Variants in USP47 observed in about 807,000 individuals in gnomAD.
USP47 encodes ubiquitin specific peptidase 47.
A neutral mutation model predicts 165.1 loss-of-function variants in USP47; 35 were observed. That is an observed-to-expected ratio of 0.21 (90% CI 0.16 to 0.28). The LOEUF (loss-of-function observed/expected upper bound fraction) is 0.28. Ranked by LOEUF, USP47 falls within the 10% of genes least tolerant of loss-of-function variation. The pLI is 1.00. For missense variants in USP47, 1,277 were observed against 1,607.4 expected (o/e 0.79, Z 3.52); for synonymous variants, 531 against 544.5 (o/e 0.98, Z 0.35).
intron 1 of USP47, among the ~76,000 whole-genome samples, chr11:11,860,557 C>T (rs1273186205): frequency 2.0e-5 from 3 of 152,134 alleles, no homozygotes; most frequent in Non-Finnish European, 2.9e-5. Context: ...ACTGTCCATG[C>T]TTTTAAATAA....
chr11:11,910,695 G>A (rs1852909911), intron 8 of USP47, among the ~76,000 whole-genome samples: 1 of 152,100 alleles, frequency 6.6e-6, no homozygotes, highest in African/African-American at 2.4e-5. Flanking sequence ...CCTCCATTCA[G>A]ATGTCCACAT....
At chr11:11,902,594 C>T in intron 5 of USP47, 121 bp from the exon 6 acceptor site, 1 of 633,032 alleles carries the variant, frequency 1.6e-6, no homozygotes. Context: ...TTTCAATTAG[C>T]ATTCAAACTC....
chr11:11,868,336 C>T (rs956512370), intron 1 of USP47, among the ~76,000 whole-genome samples: 3 of 152,172 alleles, frequency 2.0e-5, no homozygotes, highest in Non-Finnish European at 4.4e-5. Context: ...CTAATCTCTT[C>T]TCCATTTCTA....
intron 8 of USP47, among the ~76,000 whole-genome samples, chr11:11,912,587 C>G (rs1853077105): frequency 6.6e-6 from 1 of 151,976 alleles, no homozygotes; most frequent in African/African-American, 2.4e-5. Flanking sequence ...TCACTGGATA[C>G]TTGTATCAAA....
In USP47 at chr11:11,930,755, T is replaced by A. The variant is rs775423170; in HGVS notation, c.1651+4T>A. ...AAGGATCCAGCCAGAAATGCAAGTA[T>A]GTTTACCTACAGTTATTTGATTTTA... On this transcript the variant is annotated splice_donor_region_variant and intron_variant, in intron 14 of 27. Transcript: ENST00000527733. 25 of 1,602,876 alleles carry A rather than the reference T, an allele frequency of 1.6e-5. No individual in the cohort carries two copies. The East Asian group carries it at 5.4e-4, about 35-fold the overall frequency.
chr11:11,894,475 A>G (rs1034820513), intron 4 of USP47, among the ~76,000 whole-genome samples: 9 of 152,120 alleles, frequency 5.9e-5, no homozygotes, highest in Non-Finnish European at 1.3e-4. Context: ...AGAAAAATGT[A>G]GGTTCCAAGG....
intron 3 of USP47, 33 bp from the exon 4 acceptor site, chr11:11,891,935 A>G (rs751566774): frequency 6.9e-6 from 11 of 1,596,486 alleles, no homozygotes; most frequent in African/African-American, 2.7e-5. Flanking sequence ...AACATTTGCT[A>G]TTTACTAACT....
At chr11:11,871,242 G>T (rs1162047594) in intron 1 of USP47, among the ~76,000 whole-genome samples, 1 of 151,368 alleles carries the variant, frequency 6.6e-6, no homozygotes, top group Non-Finnish European at 1.5e-5. Flanking sequence ...AGTGGCGCAC[G>T]CATGTAATCT....
chr11:11,933,940 G>T lies in USP47; in HGVS notation c.1869+5G>T. On this transcript the variant is annotated splice_donor_5th_base_variant and intron_variant, in intron 16 of 27. Transcript: ENST00000527733. The stretch of plus-strand genomic sequence containing the variant: ...GCAGTAGAAATGGCTTATAAGGTAT[G>T]TTTAATTGCATCATTGGCATTTACT... 1 of 1,579,890 alleles carries T rather than the reference G, an allele frequency of 6.3e-7. No homozygotes were observed. Among genetic ancestry groups the T allele is most frequent in the Non-Finnish European group, 8.7e-7 (1 of 1,153,114 alleles).
chr11:11,853,760 G>A (rs1367061941), intron 1 of USP47, among the ~76,000 whole-genome samples: 1 of 152,122 alleles, frequency 6.6e-6, no homozygotes, highest in Non-Finnish European at 1.5e-5. Flanking sequence ...GCTGTTGAGA[G>A]ATTACAGTTT....
In USP47 at chr11:11,929,459, C is replaced by T. The variant is rs1854494536; in HGVS notation, c.1412C>T (p.Ser471Phe). The T allele has an allele frequency of 6.2e-7, 1 of 1,612,216 alleles. No individual in the cohort carries two copies. Residue 471 changes from serine to phenylalanine, a missense_variant, in exon 12 of 28, where the codon TCT becomes TTT. Ser to Phe is a radical substitution (Grantham distance 155). Coordinates refer to ENST00000527733, the MANE Select transcript of USP47 (RefSeq NM_001282659.2). ...EKNSLIYELF[S>F]VMVHSGSAAG... The stretch of plus-strand genomic sequence containing the variant: ...AATTCCTTGATCTATGAACTTTTCT[C>T]TGTTATGGTTCATTCTGGGAGCGCT...
At chr11:11,878,946 A>G (rs574151964) in intron 1 of USP47, among the ~76,000 whole-genome samples, 4 of 152,200 alleles carry the variant, frequency 2.6e-5, no homozygotes, top group Non-Finnish European at 4.4e-5. Context: ...TGATAGTGTT[A>G]TAAAAACTAA....
chr11:11,845,034 G>A (rs1848350711), intron 1 of USP47, among the ~76,000 whole-genome samples: 1 of 152,098 alleles, frequency 6.6e-6, no homozygotes. Context: ...AAAGTCAAAA[G>A]AATTATAATA....
At chr11:11,942,307 T>C (rs1291807552) in intron 19 of USP47, 28 bp from the exon 20 acceptor site, 2 of 1,534,794 alleles carry the variant, frequency 1.3e-6, no homozygotes, top group South Asian at 1.3e-5. Flanking sequence ...AAAATTAATA[T>C]ATAATAAAAC....
Position 11,871,501 on chromosome 11 carries a change from C to CAAAAAAAAAAAAA in USP47, c.40-8651_40-8639dup, listed in dbSNP as rs71037046. Among the ~76,000 whole-genome samples, 14 of 63,156 alleles carry CAAAAAAAAAAAAA rather than the reference C, an allele frequency of 2.2e-4. 2 individuals are homozygous for CAAAAAAAAAAAAA. The highest frequency in any genetic ancestry group is 4.0e-4 in the Non-Finnish European group (12 of 29,784). 41.4% of individuals were successfully genotyped at this position (63,156 alleles called of 152,430 possible). A position where few individuals can be genotyped will look rare whatever the true frequency, so the allele number is the denominator to read the frequency against. ...CTGGCAACAGAGCGAAACTCCCTCTCAAAAAAAAAAAAAAAAAAAAAAAAA... is the reference window on the plus strand; with the variant it reads ...CTGGCAACAGAGCGAAACTCCCTCTCAAAAAAAAAAAAAAAAAAAAAAAAAAAAAAAAAAAAAA... On this transcript the variant is annotated intron_variant, in intron 1 of 27. Coordinates refer to ENST00000527733, the MANE Select transcript of USP47 (RefSeq NM_001282659.2).
In USP47 at chr11:11,933,872, G is replaced by A; in HGVS notation, c.1806G>A (p.Met602Ile). Residue 602 changes from methionine to isoleucine, a missense_variant, in exon 16 of 28, where the codon ATG becomes ATA. Physicochemically the swap from Met to Ile is conservative, Grantham distance 10. Around this residue, in one of 4 missense-constraint regions of USP47, gnomAD observed 909 missense variants for 1,068.1 expected, o/e 0.85. Transcript: ENST00000527733. ...FCLHPTKQVM[M>I]ENKLEVHKDK... ...TGCATCCTACAAAACAAGTAATGATGGAAAATAAATTGGAGGTTCATAAGG... is the reference window on the plus strand; with the variant it reads ...TGCATCCTACAAAACAAGTAATGATAGAAAATAAATTGGAGGTTCATAAGG... 1 of 1,609,662 alleles carries A rather than the reference G, an allele frequency of 6.2e-7. No individual in the cohort carries two copies. The highest frequency in any genetic ancestry group is 8.5e-7 in the Non-Finnish European group (1 of 1,177,210).
At chr11:11,884,622 C>T in intron 3 of USP47, 42 bp downstream of exon 3, 1 of 1,333,460 alleles carries the variant, frequency 7.5e-7, no homozygotes, top group South Asian at 1.3e-5. Context: ...TTTTTGTGCA[C>T]TGTCACCTAC....
chr11:11,955,912 TTG>T (rs1856532269), intron 27 of USP47, 87 bp from the exon 28 acceptor site: 1 of 1,042,824 alleles, frequency 9.6e-7, no homozygotes, highest in Non-Finnish European at 1.4e-6. Flanking sequence ...TTTCATTATC[TTG>T]CTGAGGAGCA....
chr11:11,950,531 A>T (rs1188445764), intron 24 of USP47, 49 bp downstream of exon 24: 1 of 1,208,454 alleles, frequency 8.3e-7, no homozygotes, highest in Non-Finnish European at 1.2e-6. Context: ...ATACTCTAGA[A>T]CTAATAGAAG....
Sources: gnomAD v4.1 joint callset for allele counts (sites outside exome capture counted in the v4.1 genomes callset) on GRCh38, gnomAD v4.1.1 for gene constraint, gnomAD v4.1.1 regional missense constraint, MANE v1.5 for transcripts, NCBI Gene and HGNC (gene_info 2026-07-23, HGNC 2026-07-21) for gene names.